The following TMEM156 variants were observed in gnomAD, a reference collection of about 807,000 sequenced individuals.
TMEM156 encodes transmembrane protein 156.
Under a neutral mutation model 30.5 loss-of-function variants are expected in TMEM156, and 28 were observed. The observed-to-expected ratio is 0.92, with a 90% CI of 0.68 to 1.26. The LOEUF (loss-of-function observed/expected upper bound fraction) is 1.26, where lower values mean the gene tolerates loss of function less well. TMEM156 is among the 50% of genes most tolerant of loss of function. The pLI, the probability that TMEM156 is intolerant of heterozygous loss-of-function variation, is 0.00. For missense variants in TMEM156, 351 were observed against 340.6 expected (o/e 1.03, Z -0.24); for synonymous variants, 137 against 119.9 (o/e 1.14, Z -0.93).
chr4:39,013,441 G>T (rs561038164), intron 1 of TMEM156, among the ~76,000 whole-genome samples: 56 of 150,314 alleles, frequency 3.7e-4, no homozygotes, highest in African/African-American at 1.3e-3. Flanking sequence ...TTGCTCTGTC[G>T]CTAGGCTGGA....
chr4:39,000,612 C>T (rs541523122), intron 1 of TMEM156, among the ~76,000 whole-genome samples: 115 of 152,218 alleles, frequency 7.6e-4, no homozygotes, highest in African/African-American at 2.1e-3. Context: ...CCAGGCCAGG[C>T]GCAGTGGCTC....
At chr4:39,010,887 C>T (rs2712003) in intron 1 of TMEM156, among the ~76,000 whole-genome samples, 123,295 of 152,116 alleles carry the variant, frequency 0.81, 50,195 homozygotes, top group South Asian at 0.87. Context: ...CAAAAGCAAA[C>T]GCAACACAAA....
intron 1 of TMEM156, among the ~76,000 whole-genome samples, chr4:39,001,523 A>C (rs1013231185): frequency 4.0e-5 from 6 of 150,660 alleles, no homozygotes; most frequent in Non-Finnish European, 7.4e-5. Context: ...ATGGAGCACA[A>C]TGAAAGAATT....
In TMEM156 at chr4:38,967,646, A is replaced by C. The variant is rs1722408765; in HGVS notation, c.*39-5T>G. On this transcript the variant is annotated splice_polypyrimidine_tract_variant and splice_region_variant and intron_variant, in intron 6 of 6. Coordinates refer to ENST00000381938, the MANE Select transcript of TMEM156 (RefSeq NM_024943.3). ...TCCAACTTGCCCGGGGATATTCTGA[A>C]GATTTAAATAAAAGCAAGAAAATAT... is the stretch of plus-strand genomic sequence containing the variant. 1.3e-5 allele frequency: 2 copies of C among 152,384 alleles called. No homozygotes were observed. Among genetic ancestry groups the C allele is most frequent in the Non-Finnish European group, 2.9e-5 (2 of 68,042 alleles). The allele number at this position is 152,384 out of a possible 1,614,324, so 9.4% of individuals were successfully genotyped here. A position where few individuals can be genotyped will look rare whatever the true frequency, so the allele number is the denominator to read the frequency against.
intron 1 of TMEM156, among the ~76,000 whole-genome samples, chr4:39,025,939 A>G (rs187164646): frequency 6.6e-6 from 1 of 152,314 alleles, no homozygotes; most frequent in East Asian, 1.9e-4. Flanking sequence ...TGCCTCCTTC[A>G]AGGTTTTCTT....
intron 3 of TMEM156, among the ~76,000 whole-genome samples, chr4:38,989,831 C>T (rs1018607054): frequency 7.2e-5 from 11 of 151,974 alleles, no homozygotes; most frequent in African/African-American, 2.4e-4. Flanking sequence ...CAGAGTTTCA[C>T]TCTTGTTGCC....
chr4:39,009,648 G>A (rs530683560), intron 1 of TMEM156, among the ~76,000 whole-genome samples: 39 of 152,066 alleles, frequency 2.6e-4, no homozygotes, highest in Middle Eastern at 3.4e-3. Context: ...AACAAAAACC[G>A]TATGATCATC....
rs138727158 is a variant in TMEM156 at position 39,024,408 on chromosome 4, G to A, written c.88+7818C>T. Among the ~76,000 whole-genome samples, 154 of 152,192 alleles carry A rather than the reference G, an allele frequency of 1.0e-3. 1 individual carries two copies. Among genetic ancestry groups the A allele is most frequent in the African/African-American group, 3.3e-3 (139 of 41,508 alleles). On this transcript the variant is annotated intron_variant, in intron 1 of 6. Coordinates refer to ENST00000381938, the MANE Select transcript of TMEM156 (RefSeq NM_024943.3). ...TGATAGTAGTTACACAGGTGCACAC[G>A]AATGTCAAAATTCATGAAACTGAAC...
In TMEM156 at chr4:38,971,101, T is replaced by G. The variant is rs753169589; in HGVS notation, c.860A>C (p.Gln287Pro). ...TTQRLPLDQV[Q>P]EVLPPIPEL ...TTCTGGAATTGGGGGAAGCACTTCCTGGACTTGATCCAAAGGCAGCCTCTG... is the reference window on the plus strand; with the variant it reads ...TTCTGGAATTGGGGGAAGCACTTCCGGGACTTGATCCAAAGGCAGCCTCTG... Residue 287 changes from glutamine to proline, a missense_variant, in exon 6 of 7, where the codon CAG becomes CCG. Gln to Pro is a moderately conservative substitution (Grantham distance 76, BLOSUM62 -1). Coordinates refer to ENST00000381938, the MANE Select transcript of TMEM156 (RefSeq NM_024943.3). 4 of 1,613,950 alleles carry G rather than the reference T, an allele frequency of 2.5e-6. No homozygotes were observed. The highest frequency in any genetic ancestry group is 1.7e-5 in the Admixed American group (1 of 60,006).
intron 1 of TMEM156, among the ~76,000 whole-genome samples, chr4:39,017,695 G>T (rs1342683308): frequency 6.6e-6 from 1 of 151,900 alleles, no homozygotes; most frequent in Non-Finnish European, 1.5e-5. Flanking sequence ...TCTTTGTTGG[G>T]GCATATAAAT....
At chr4:39,023,517 C>A (rs1044625343) in intron 1 of TMEM156, among the ~76,000 whole-genome samples, 1 of 152,090 alleles carries the variant, frequency 6.6e-6, no homozygotes, top group Non-Finnish European at 1.5e-5. Flanking sequence ...CACTCAGTAG[C>A]ATGGATGAAT....
At chr4:39,003,974 G>A (rs549507602) in intron 1 of TMEM156, among the ~76,000 whole-genome samples, 5 of 152,126 alleles carry the variant, frequency 3.3e-5, no homozygotes, top group South Asian at 4.2e-4. Context: ...GGGTAATTTC[G>A]TGATGACTTT....
rs556833770 is a variant in TMEM156 at position 39,010,432 on chromosome 4, ACAAAATAGC to A, written c.89-11532_89-11524del. Among the ~76,000 whole-genome samples the A allele has an allele frequency of 3.1e-3, 472 of 152,266 alleles. 3 individuals are homozygous for A. The highest frequency in any genetic ancestry group is 0.011 in the African/African-American group (455 of 41,584). On this transcript the variant is annotated intron_variant, in intron 1 of 6. Coordinates refer to ENST00000381938, the MANE Select transcript of TMEM156 (RefSeq NM_024943.3). ...TATGAACCACCCACCCACCACACAC[ACAAAATAGC>A]CAAAATAGCCAAAGCAATCCTAAGC...
At chr4:39,027,153 A>G (rs1715249437) in intron 1 of TMEM156, among the ~76,000 whole-genome samples, 1 of 152,252 alleles carries the variant, frequency 6.6e-6, no homozygotes, top group Admixed American at 6.5e-5. Context: ...ATGTAAATGT[A>G]TTTGTTAAAA....
At chr4:38,990,832 T>TTTTTTTTTTTTTTTTTG (rs1560365281) in intron 3 of TMEM156, among the ~76,000 whole-genome samples, 2 of 66,394 alleles carry the variant, frequency 3.0e-5, no homozygotes, top group African/African-American at 9.2e-5. Context: ...GTTTTCTGGT[T>TTTTTTTTTTTTTTTTTG]TTTTTTTTTT....
chr4:39,015,037 A>C (rs1486789267), intron 1 of TMEM156, among the ~76,000 whole-genome samples: 3 of 152,174 alleles, frequency 2.0e-5, no homozygotes, highest in Non-Finnish European at 4.4e-5. Flanking sequence ...TTGCTTCCTA[A>C]GTAAGTTTCC....
At chr4:38,974,871 C>T (rs931949011) in intron 5 of TMEM156, among the ~76,000 whole-genome samples, 2 of 151,934 alleles carry the variant, frequency 1.3e-5, no homozygotes, top group South Asian at 2.1e-4. Flanking sequence ...CAGGGTTTCA[C>T]CATGTTGGCC....
At chr4:38,990,815 TTGGTTTGTTTTC>T (rs1368187272) in intron 3 of TMEM156, among the ~76,000 whole-genome samples, 2 of 150,280 alleles carry the variant, frequency 1.3e-5, no homozygotes. Context: ...CTTTGTTTTT[TTGGTTTGTTTTC>T]TGGTTTTTTT....
At chr4:38,994,298 T>A (rs866833672) in intron 2 of TMEM156, among the ~76,000 whole-genome samples, 11 of 152,202 alleles carry the variant, frequency 7.2e-5, no homozygotes, top group East Asian at 3.9e-4. Context: ...CTAATTTTTT[T>A]AATTTTTTGT....
Sources: allele counts gnomAD v4.1 joint callset (sites outside exome capture counted in the v4.1 genomes callset), GRCh38; gene constraint gnomAD v4.1.1; transcripts MANE v1.5; gene names NCBI Gene and HGNC (gene_info 2026-07-23, HGNC 2026-07-21).